The following COBLL1 variants were observed in gnomAD, a reference collection of about 807,000 sequenced individuals.
The protein encoded by COBLL1 is cordon-bleu WH2 repeat protein like 1, also known as cordon-bleu protein-like 1.
Under a neutral mutation model 94.8 loss-of-function variants are expected in COBLL1, and 50 were observed. That is an observed-to-expected ratio of 0.53 (90% CI 0.42 to 0.67). COBLL1 has a LOEUF of 0.67. Ranked by LOEUF, COBLL1 falls within the 30% of genes least tolerant of loss-of-function variation. The probability of loss-of-function intolerance (pLI) is 0.00; values close to 1 mark genes in which losing one functional copy is unlikely to be tolerated. For synonymous variants in COBLL1, 448 were observed against 473.8 expected (o/e 0.95, Z 0.71); for missense variants, 1,362 against 1,348.7 (o/e 1.01, Z -0.15).
At chr2:164,757,651 A>C (rs186270555) in intron 2 of COBLL1, among the ~76,000 whole-genome samples, 24 of 152,182 alleles carry the variant, frequency 1.6e-4, no homozygotes, top group Admixed American at 1.4e-3. Flanking sequence ...CTACAAAGTA[A>C]AAATTAAATA....
chr2:164,792,224 A>T (rs186388178), intron 2 of COBLL1, among the ~76,000 whole-genome samples: 1 of 151,860 alleles, frequency 6.6e-6, no homozygotes, highest in Admixed American at 6.6e-5. Context: ...CACCTCCTGA[A>T]CTCAAGCAAT....
At chr2:164,708,925 T>C (rs1684741496) in intron 7 of COBLL1, among the ~76,000 whole-genome samples, 3 of 152,202 alleles carry the variant, frequency 2.0e-5, no homozygotes, top group Admixed American at 2.0e-4. Flanking sequence ...TTTTCCATGA[T>C]AAAAGCAGCC....
intron 2 of COBLL1, among the ~76,000 whole-genome samples, chr2:164,661,430 T>C (rs1691069093): frequency 6.6e-6 from 1 of 152,096 alleles, no homozygotes; most frequent in African/African-American, 2.4e-5. Flanking sequence ...GTAAGAATAG[T>C]ATTTTACTTT....
chr2:164,682,710 A>G lies in COBLL1; in HGVS notation c.*3236T>C, dbSNP rs936107874. On this transcript the variant is annotated 3_prime_UTR_variant, in exon 14 of 14. Transcript: ENST00000652658. ...AAGATGAATTGCCTGCCGTTTTTAA[A>G]ATAAGGTTCATTTTTATTCATATTA... 6.6e-6 allele frequency: 1 copy of G among 152,126 alleles called. No individual in the cohort carries two copies. Among genetic ancestry groups the G allele is most frequent in the African/African-American group, 2.4e-5 (1 of 41,424 alleles). 9.4% of individuals were successfully genotyped at this position (152,126 alleles called of 1,614,324 possible).
chr2:164,799,019 CAAA>C (rs555113117), intron 2 of COBLL1, among the ~76,000 whole-genome samples: 4 of 69,824 alleles, frequency 5.7e-5, no homozygotes, highest in South Asian at 6.3e-4. Flanking sequence ...GACTCCGTCT[CAAA>C]AAAAAAAAAA....
downstream of COBLL1, chr2:164,680,161 T>C (rs1301277285): frequency 6.6e-6 from 1 of 152,032 alleles, no homozygotes; most frequent in Non-Finnish European, 1.5e-5. Context: ...TTTATCCATA[T>C]GAATAGAGTG....
At chr2:164,767,654 T>A (rs1267917010) in intron 2 of COBLL1, among the ~76,000 whole-genome samples, 1 of 152,196 alleles carries the variant, frequency 6.6e-6, no homozygotes, top group Non-Finnish European at 1.5e-5. Context: ...CAAAATAATT[T>A]ACATGTAAAT....
intron 2 of COBLL1, among the ~76,000 whole-genome samples, chr2:164,786,281 A>G (rs1441108754): frequency 1.3e-5 from 2 of 152,202 alleles, no homozygotes; most frequent in Admixed American, 1.3e-4. Flanking sequence ...TAGGAGCTAT[A>G]CTAAGATATA....
chr2:164,818,629 C>T lies in COBLL1; in HGVS notation c.41+22527G>A, dbSNP rs529724251. Among the ~76,000 whole-genome samples the T allele has an allele frequency of 6.4e-5, 9 of 140,220 alleles. 1 individual carries two copies. Among genetic ancestry groups the T allele is most frequent in the Admixed American group, 2.2e-4 (3 of 13,624 alleles). The allele number at this position is 140,220 out of a possible 152,430, so 92.0% of individuals were successfully genotyped here. A position where few individuals can be genotyped will look rare whatever the true frequency, so the allele number is the denominator to read the frequency against. The stretch of plus-strand genomic sequence containing the variant: ...TGTGTACATATGTACACATATATGG[C>T]GTATATGTACATATGTAAACATATA... On this transcript the variant is annotated intron_variant, in intron 2 of 13. Transcript: ENST00000652658.
intron 2 of COBLL1, among the ~76,000 whole-genome samples, chr2:164,821,774 G>A (rs1013416153): frequency 6.6e-6 from 1 of 152,096 alleles, no homozygotes; most frequent in Non-Finnish European, 1.5e-5. Flanking sequence ...ATGATTAAGG[G>A]CTGAAAAACC....
At chr2:164,803,773 G>A (rs1159340352) in intron 2 of COBLL1, among the ~76,000 whole-genome samples, 1 of 151,812 alleles carries the variant, frequency 6.6e-6, no homozygotes, top group African/African-American at 2.4e-5. Flanking sequence ...TACACACGAA[G>A]ACAGCCAAGG....
At chr2:164,772,624 A>G (rs190870028) in intron 2 of COBLL1, among the ~76,000 whole-genome samples, 5 of 152,060 alleles carry the variant, frequency 3.3e-5, no homozygotes, top group African/African-American at 4.8e-5. Flanking sequence ...AACAATGTTA[A>G]TTCAATTTTT....
At chr2:164,723,654 T>A (rs907641697) in intron 5 of COBLL1, 2 of 152,122 alleles carry the variant, frequency 1.3e-5, no homozygotes, top group Non-Finnish European at 2.9e-5. Flanking sequence ...TAATTTCATA[T>A]GTTCATAATG....
chr2:164,840,930 A>T (rs1362876381), intron 2 of COBLL1: 23 of 399,322 alleles, frequency 5.8e-5, no homozygotes, highest in Non-Finnish European at 8.6e-5. Context: ...GTAGCAACCC[A>T]GGGCAGCCCC....
At chr2:164,690,768 A>T (rs969202210) in intron 13 of COBLL1, among the ~76,000 whole-genome samples, 1 of 152,132 alleles carries the variant, frequency 6.6e-6, no homozygotes, top group Non-Finnish European at 1.5e-5. Context: ...TGTTCTCAGT[A>T]TCTAGTACAA....
intron 2 of COBLL1, among the ~76,000 whole-genome samples, chr2:164,805,337 C>CTCTCTATATA (rs758137553): frequency 1.6e-3 from 27 of 17,046 alleles, no homozygotes; most frequent in Admixed American, 3.9e-3. Context: ...CTCTCTCTCT[C>CTCTCTATATA]TATATATATA....
intron 3 of COBLL1, among the ~76,000 whole-genome samples, chr2:164,740,977 T>A (rs181555833): frequency 5.7e-4 from 87 of 152,142 alleles, no homozygotes; most frequent in Admixed American, 1.4e-3. Context: ...TGGTGAAGCT[T>A]AAGATACACA....
At chr2:164,725,422 T>A (rs1292249539) in intron 5 of COBLL1, among the ~76,000 whole-genome samples, 1 of 152,052 alleles carries the variant, frequency 6.6e-6, no homozygotes, top group African/African-American at 2.4e-5. Context: ...ATTTTTTATT[T>A]TTTATTTATT....
chr2:164,695,758 T>C lies in COBLL1; in HGVS notation c.1634A>G (p.Asn545Ser), dbSNP rs1683911221. The part of the protein sequence containing the change: ...MKNGVKKTEI[N>S]VEGVAKNNNI... ...GTTATTTTTGGCAACACCTTCTACA[T>C]TGATTTCTGTTTTCTTCACTCCATT... is the stretch of plus-strand genomic sequence containing the variant. Residue 545 changes from asparagine to serine, a missense_variant, in exon 12 of 14, where the codon AAT (asparagine) becomes AGT (serine). Physicochemically the swap from Asn to Ser is conservative, Grantham distance 46. Transcript: ENST00000652658. 1 of 1,613,178 alleles carries C rather than the reference T, an allele frequency of 6.2e-7. No homozygotes were observed. The highest frequency in any genetic ancestry group is 1.3e-5 in the African/African-American group (1 of 74,988).
Sources: gnomAD v4.1 joint callset for allele counts (sites outside exome capture counted in the v4.1 genomes callset) on GRCh38, gnomAD v4.1.1 for gene constraint, MANE v1.5 for transcripts, NCBI Gene and HGNC (gene_info 2026-07-23, HGNC 2026-07-21) for gene names.